Variants in CCDC148 observed in about 807,000 individuals in gnomAD.
The protein encoded by CCDC148 is coiled-coil domain containing 148.
In CCDC148, 89 loss-of-function variants were observed where a neutral mutation model predicts 85.7. The observed-to-expected ratio is 1.04, with a 90% confidence interval of 0.87 to 1.24. The LOEUF is 1.24. Ranked by LOEUF, CCDC148 falls within the 50% of genes most tolerant of loss-of-function variation. CCDC148 has a pLI of 0.00. For synonymous variants in CCDC148, 230 were observed against 213.9 expected, an observed-to-expected ratio of 1.08 and a Z score of -0.66; for missense variants, 692 against 671.7, an observed-to-expected ratio of 1.03 and a Z score of -0.33.
intron 7 of CCDC148, among the ~76,000 whole-genome samples, chr2:158,326,805 G>C (rs78770608): frequency 0.056 from 8,540 of 152,036 alleles, 514 homozygotes; most frequent in African/African-American, 0.15. Context: ...CAGGCATCTG[G>C]CTCCCCTCCC....
intron 1 of CCDC148, chr2:158,381,105 T>C (rs1323458593): frequency 2.0e-5 from 3 of 152,128 alleles, no homozygotes; most frequent in African/African-American, 7.2e-5. Flanking sequence ...GAAAACATAA[T>C]AAGTTGGGAA....
At chr2:158,241,450 A>T (rs1451545439) in intron 10 of CCDC148, among the ~76,000 whole-genome samples, 1 of 152,114 alleles carries the variant, frequency 6.6e-6, no homozygotes, top group Non-Finnish European at 1.5e-5. Context: ...GAGCAGGTAA[A>T]CACCTCCCTT....
rs1446930399 is a variant in CCDC148 at position 158,316,175 on chromosome 2, C to T, written c.765-2281G>A. 2.0e-5 allele frequency among the ~76,000 whole-genome samples: 3 copies of T among 152,200 alleles called. No homozygotes were observed. The East Asian group carries it at 5.8e-4, about 29-fold the overall frequency. ...TAAATTAATTTCTTTGATGATATCT[C>T]ATACTGAGTGGCAGTGCAAGATTGT... On this transcript the variant is annotated intron_variant, in intron 7 of 13. Transcript: ENST00000283233.
chr2:158,284,467 C>G (rs894021253), intron 9 of CCDC148, among the ~76,000 whole-genome samples: 3 of 152,074 alleles, frequency 2.0e-5, no homozygotes, highest in African/African-American at 7.2e-5. Context: ...GATAGCTACT[C>G]CAAATCAGAG....
chr2:158,456,477 A>C lies in CCDC148; in HGVS notation c.-38T>G. On this transcript the variant is annotated 5_prime_UTR_variant, in exon 1 of 14. Transcript: ENST00000283233. ...AGGGCATAGCCTCAGGGACTCCCCA[A>C]ACGCAGGAAAAGTGAAACGCCCACT... The C allele has an allele frequency of 6.2e-7, 1 of 1,602,608 alleles. No individual in the cohort carries two copies. Among genetic ancestry groups the C allele is most frequent in the Non-Finnish European group, 8.5e-7 (1 of 1,174,650 alleles).
At chr2:158,391,618 C>T (rs887400286) in intron 1 of CCDC148, among the ~76,000 whole-genome samples, 16 of 152,148 alleles carry the variant, frequency 1.1e-4, no homozygotes, top group Non-Finnish European at 2.1e-4. Context: ...TAGGAACCCA[C>T]AACATCCAAG....
chr2:158,283,718 C>A (rs1385076964), intron 9 of CCDC148, among the ~76,000 whole-genome samples: 7 of 151,530 alleles, frequency 4.6e-5, no homozygotes, highest in Admixed American at 3.9e-4. Context: ...GTCAGTGTGG[C>A]GATTCCTCAG....
At chr2:158,261,441 T>A (rs1235045528) in intron 9 of CCDC148, among the ~76,000 whole-genome samples, 2 of 152,038 alleles carry the variant, frequency 1.3e-5, no homozygotes, top group Admixed American at 1.3e-4. Context: ...GGCAATACCA[T>A]CCTGCACATA....
At chr2:158,446,150 C>A (rs766223529) in intron 1 of CCDC148, among the ~76,000 whole-genome samples, 22 of 152,194 alleles carry the variant, frequency 1.4e-4, no homozygotes, top group Middle Eastern at 3.4e-3. Context: ...GGGTTTAAGA[C>A]CAGTCTGGGC....
Position 158,350,964 on chromosome 2 carries a change from T to TG in CCDC148, c.148-5647dup, listed in dbSNP as rs1186584196. On this transcript the variant is annotated intron_variant, in intron 2 of 13. Transcript: ENST00000283233. ...ACTGTTACTCATCCTCACCCTACTG[T>TG]GCAATAGAACACCAGAACTGATTCC... Among the ~76,000 whole-genome samples, 8 of 152,268 alleles carry TG rather than the reference T, an allele frequency of 5.3e-5. No individual in the cohort carries two copies. In the South Asian group the frequency reaches 1.5e-3, roughly 28 times the overall value.
chr2:158,255,675 T>A (rs1422021360), intron 9 of CCDC148, among the ~76,000 whole-genome samples: 1 of 151,730 alleles, frequency 6.6e-6, no homozygotes, highest in African/African-American at 2.4e-5. Context: ...AGAAGAACAT[T>A]TTAGTAGTTT....
At chr2:158,324,008 C>A (rs945935409) in intron 7 of CCDC148, among the ~76,000 whole-genome samples, 5 of 147,100 alleles carry the variant, frequency 3.4e-5, no homozygotes, top group African/African-American at 1.3e-4. Context: ...AGCTTGCCTC[C>A]CAGGCTCAAG....
At chr2:158,446,872 C>T (rs1559151179) in intron 1 of CCDC148, among the ~76,000 whole-genome samples, 1 of 152,030 alleles carries the variant, frequency 6.6e-6, no homozygotes, top group Non-Finnish European at 1.5e-5. Flanking sequence ...ACAAATGAGG[C>T]CTCTTGTCTG....
intron 3 of CCDC148, among the ~76,000 whole-genome samples, chr2:158,343,077 G>A (rs557664721): frequency 4.4e-4 from 67 of 152,150 alleles, no homozygotes; most frequent in African/African-American, 1.5e-3. Context: ...GGCTGTTCAC[G>A]GGTGCAATCA....
intron 7 of CCDC148, among the ~76,000 whole-genome samples, chr2:158,320,144 T>C (rs537299815): frequency 1.3e-5 from 2 of 152,300 alleles, no homozygotes; most frequent in Non-Finnish European, 2.9e-5. Context: ...CCTACTTCTT[T>C]GGGACAGTAT....
At chr2:158,304,786 G>T (rs1691605213) in intron 9 of CCDC148, among the ~76,000 whole-genome samples, 1 of 152,168 alleles carries the variant, frequency 6.6e-6, no homozygotes, top group Non-Finnish European at 1.5e-5. Context: ...TTTAAGGAAA[G>T]ACAGATGCCT....
At chr2:158,222,756 C>T (rs1443145928) in intron 10 of CCDC148, among the ~76,000 whole-genome samples, 1 of 152,144 alleles carries the variant, frequency 6.6e-6, no homozygotes, top group Non-Finnish European at 1.5e-5. Flanking sequence ...GGATATATCA[C>T]CCTCTACCTG....
chr2:158,345,942 TA>T (rs997223373), intron 2 of CCDC148, among the ~76,000 whole-genome samples: 8 of 152,330 alleles, frequency 5.3e-5, no homozygotes, highest in Admixed American at 5.2e-4. Flanking sequence ...TGCGTCTTTG[TA>T]AAAAAATTTT....
At chr2:158,211,320 A>G (rs1468065943) in intron 11 of CCDC148, among the ~76,000 whole-genome samples, 1 of 152,258 alleles carries the variant, frequency 6.6e-6, no homozygotes, top group Non-Finnish European at 1.5e-5. Flanking sequence ...CAAAAAGATC[A>G]CAGCACCTAG....
Sources: allele counts gnomAD v4.1 joint callset (sites outside exome capture counted in the v4.1 genomes callset), GRCh38; gene constraint gnomAD v4.1.1; transcripts MANE v1.5; gene names NCBI Gene and HGNC (gene_info 2026-07-23, HGNC 2026-07-21).